Variants in VTCN1 observed in about 807,000 individuals in gnomAD.
VTCN1 encodes the protein V-set domain containing T cell activation inhibitor 1, also known as V-set domain-containing T-cell activation inhibitor 1.
In VTCN1, 26 loss-of-function variants were observed where a neutral mutation model predicts 26.5. The ratio of observed to expected loss-of-function variants is 0.98; its 90% CI spans 0.72 to 1.36. VTCN1 has a LOEUF of 1.36. Ranked by LOEUF, VTCN1 falls within the 40% of genes most tolerant of loss-of-function variation. The pLI is 0.00. For missense variants in VTCN1, 298 were observed against 337.7 expected (o/e 0.88, Z 0.92); for synonymous variants, 116 against 130.7 (o/e 0.89, Z 0.77).
intron 1 of VTCN1, among the ~76,000 whole-genome samples, chr1:117,209,283 C>T (rs946773045): frequency 4.6e-5 from 7 of 152,162 alleles, no homozygotes; most frequent in African/African-American, 7.2e-5. Flanking sequence ...CAAAGCATTA[C>T]GAGAGAGCCC....
chr1:117,147,723 C>CA lies in VTCN1; in HGVS notation c.783dup (p.Val262CysfsTer50). 1 of 1,614,042 alleles carries CA rather than the reference C, an allele frequency of 6.2e-7. No individual in the cohort carries two copies. Among genetic ancestry groups the CA allele is most frequent in the Non-Finnish European group, 8.5e-7 (1 of 1,179,952 alleles). On this transcript the variant is annotated frameshift_variant, in exon 5 of 6. Transcript: ENST00000369458. LOFTEE classifies it high-confidence loss of function. This position sits in a 1 kb window ranked among gnomAD's most constrained non-coding sequence, Gnocchi z 4.6. ...CAGCTGATGGCAAAGAAAGAAGAGA[C>CA]ACACAGAGAAGCCTTTGAGTTTAGC...
At position 117,167,447 on chromosome 1, in the gene VTCN1, G is replaced by T. The variant is rs1458444806; in HGVS notation, c.97+2660C>A. Among the ~76,000 whole-genome samples the T allele has an allele frequency of 6.6e-6, 1 of 152,146 alleles. No homozygotes were observed. Among genetic ancestry groups the T allele is most frequent in the East Asian group, 1.9e-4 (1 of 5,196 alleles). On this transcript the variant is annotated intron_variant, in intron 2 of 5. Coordinates refer to ENST00000369458, the MANE Select transcript of VTCN1 (RefSeq NM_024626.4). The surrounding 1 kb of genome is among the most constrained non-coding windows in gnomAD (Gnocchi z 4.1). The stretch of plus-strand genomic sequence containing the variant: ...CCTGTTTTTGAACTTCATATGCATA[G>T]AATCATACAGAACTTACTCTTTTGT...
At chr1:117,190,294 C>T (rs547270327) in intron 1 of VTCN1, among the ~76,000 whole-genome samples, 3 of 152,242 alleles carry the variant, frequency 2.0e-5, no homozygotes, top group Non-Finnish European at 4.4e-5. Context: ...ATTTTTCAGG[C>T]TGTGGCCTCA....
At chr1:117,153,420 AC>A in intron 3 of VTCN1, 51 bp from the exon 4 acceptor site, 2 of 1,546,612 alleles carry the variant, frequency 1.3e-6, no homozygotes, top group Non-Finnish European at 8.7e-7. Context: ...GACACGTAAG[AC>A]AATATAGCCT....
chr1:117,162,219 C>T (rs1652403387), intron 2 of VTCN1, among the ~76,000 whole-genome samples: 1 of 152,140 alleles, frequency 6.6e-6, no homozygotes, highest in Admixed American at 6.5e-5. Context: ...ACCACAGGGA[C>T]CTAGCCATTG....
chr1:117,165,254 C>T (rs992667492), intron 2 of VTCN1, among the ~76,000 whole-genome samples: 21 of 152,214 alleles, frequency 1.4e-4, no homozygotes, highest in African/African-American at 5.1e-4. Context: ...ATAGTAATAA[C>T]ATCTACCTCC....
chr1:117,176,155 G>A lies in VTCN1; in HGVS notation c.33-5984C>T, dbSNP rs569584780. ...AGAGCCGATGCTTATCAGGCATAAT[G>A]CCTCATTATATTGTTTCTCATTCAA... On this transcript the variant is annotated intron_variant, in intron 1 of 5. Coordinates refer to ENST00000369458, the MANE Select transcript of VTCN1 (RefSeq NM_024626.4). Among the ~76,000 whole-genome samples the A allele has an allele frequency of 7.9e-5, 12 of 152,290 alleles. 1 individual carries two copies. The South Asian group carries it at 2.5e-3, about 32-fold the overall frequency.
Position 117,146,753 on chromosome 1 carries a change from G to C in VTCN1, c.*45+860C>G, listed in dbSNP as rs1236344571. ...TGACTTCGATATAGTTATGCCCAGA[G>C]AGTCACTTTAGGCTCTGGAGCAAAG... On this transcript the variant is annotated intron_variant, in intron 5 of 5. Transcript: ENST00000369458. This position sits in a 1 kb window ranked among gnomAD's most constrained non-coding sequence, Gnocchi z 4.2. 1.3e-5 allele frequency among the ~76,000 whole-genome samples: 2 copies of C among 152,168 alleles called. No homozygotes were observed. Among genetic ancestry groups the C allele is most frequent in the Admixed American group, 1.3e-4 (2 of 15,266 alleles).
chr1:117,201,824 C>G (rs1648805149), intron 1 of VTCN1, among the ~76,000 whole-genome samples: 1 of 152,224 alleles, frequency 6.6e-6, no homozygotes, highest in Non-Finnish European at 1.5e-5. Context: ...CTGCTTCTCT[C>G]TTGGCTGCAG....
chr1:117,172,936 A>T (rs1653000113), intron 1 of VTCN1, among the ~76,000 whole-genome samples: 1 of 152,170 alleles, frequency 6.6e-6, no homozygotes, highest in African/African-American at 2.4e-5. Context: ...AAAGCTGGGC[A>T]CCCCAGACAG....
intron 1 of VTCN1, among the ~76,000 whole-genome samples, chr1:117,187,548 C>T (rs1302784261): frequency 6.6e-6 from 1 of 152,116 alleles, no homozygotes; most frequent in African/African-American, 2.4e-5. Flanking sequence ...AGGGAAACTA[C>T]TAGCCATATG....
At chr1:117,172,429 T>G (rs1390896454) in intron 1 of VTCN1, 1 of 518,744 alleles carries the variant, frequency 1.9e-6, no homozygotes, top group Non-Finnish European at 3.9e-6. Context: ...GCCTCAGTTC[T>G]TACTGGTCCA....
At chr1:117,184,745 C>T (rs12032847) in intron 1 of VTCN1, among the ~76,000 whole-genome samples, 7,607 of 152,168 alleles carry the variant, frequency 0.05, 420 homozygotes, top group East Asian at 0.16. Context: ...AAGATGTTGG[C>T]TCCCTTTCCT....
At chr1:117,157,042 G>A (rs764504758) in intron 2 of VTCN1, 121 bp from the exon 3 acceptor site, 1 of 1,575,924 alleles carries the variant, frequency 6.3e-7, no homozygotes, top group South Asian at 1.1e-5. Context: ...AGAAGAACAT[G>A]AGAGGCAATA....
At chr1:117,160,431 A>G (rs1425579333) in intron 2 of VTCN1, among the ~76,000 whole-genome samples, 1 of 152,238 alleles carries the variant, frequency 6.6e-6, no homozygotes, top group Non-Finnish European at 1.5e-5. Context: ...ACATGCATTA[A>G]TCCTACAGGT....
At chr1:117,192,521 C>T (rs923091617) in intron 1 of VTCN1, among the ~76,000 whole-genome samples, 7 of 152,034 alleles carry the variant, frequency 4.6e-5, no homozygotes, top group African/African-American at 1.7e-4. Context: ...AACTGTGGTA[C>T]AGGAATCACA....
chr1:117,179,246 G>A lies in VTCN1; in HGVS notation c.33-9075C>T, dbSNP rs560272640. Among the ~76,000 whole-genome samples the A allele has an allele frequency of 3.0e-3, 451 of 152,290 alleles. 1 individual carries two copies. The highest frequency in any genetic ancestry group is 0.01 in the African/African-American group (436 of 41,554). The stretch of plus-strand genomic sequence containing the variant: ...CCTGTAACTTCCAGATACCAGTACT[G>A]ACACTACCCTTGCTGTGTCGACCAA... On this transcript the variant is annotated intron_variant, in intron 1 of 5. Coordinates refer to ENST00000369458, the MANE Select transcript of VTCN1 (RefSeq NM_024626.4).
At chr1:117,172,311 G>A (rs1557867898) in intron 1 of VTCN1, 1 of 517,574 alleles carries the variant, frequency 1.9e-6, no homozygotes, top group Non-Finnish European at 3.9e-6. Context: ...CTCATAAGGT[G>A]CAGCCACAAG....
At chr1:117,160,445 C>A (rs1570947294) in intron 2 of VTCN1, among the ~76,000 whole-genome samples, 2 of 152,334 alleles carry the variant, frequency 1.3e-5, no homozygotes, top group African/African-American at 4.8e-5. Flanking sequence ...TACAGGTAGA[C>A]CTTCTTACAG....
Sources: gnomAD v4.1 joint callset for allele counts (sites outside exome capture counted in the v4.1 genomes callset) on GRCh38, gnomAD v4.1.1 for gene constraint, Gnocchi (gnomAD v3.1) non-coding constraint, MANE v1.5 for transcripts, NCBI Gene and HGNC (gene_info 2026-07-23, HGNC 2026-07-21) for gene names.